The following BPTF variants were observed in gnomAD, a reference collection of about 807,000 sequenced individuals.
The protein encoded by BPTF is bromodomain PHD finger transcription factor, also known as nucleosome-remodeling factor subunit BPTF.
In BPTF, 18 loss-of-function variants were observed where a neutral mutation model predicts 292.5. The ratio of observed to expected loss-of-function variants is 0.06; its 90% CI spans 0.04 to 0.09. BPTF has a LOEUF of 0.09. BPTF is among the 10% of genes least tolerant of loss of function. BPTF has a pLI of 1.00. For missense variants in BPTF, 2,726 were observed against 3,498.7 expected (o/e 0.78, Z 5.57); for synonymous variants, 1,225 against 1,251.9 (o/e 0.98, Z 0.45).
intron 1 of BPTF, among the ~76,000 whole-genome samples, chr17:67,828,152 G>A (rs1374636432): frequency 6.6e-6 from 1 of 151,980 alleles, no homozygotes; most frequent in Non-Finnish European, 1.5e-5. Context: ...GGCTGGTCTC[G>A]AACTCTTGAC....
chr17:67,840,461 G>C (rs1005526309), intron 1 of BPTF, among the ~76,000 whole-genome samples: 1 of 76,212 alleles, frequency 1.3e-5, no homozygotes, highest in Non-Finnish European at 2.3e-5. Flanking sequence ...TGCTCCTCTT[G>C]TTGTTGTTGT....
chr17:67,942,865 A>G (rs1184221148), intron 19 of BPTF, among the ~76,000 whole-genome samples: 2 of 152,164 alleles, frequency 1.3e-5, no homozygotes, highest in Non-Finnish European at 2.9e-5. Flanking sequence ...GTAGCTGCCA[A>G]AAAAAATACA....
At chr17:67,953,410 T>A (rs1439994148) in intron 23 of BPTF, among the ~76,000 whole-genome samples, 9 of 142,322 alleles carry the variant, frequency 6.3e-5, no homozygotes. Flanking sequence ...CGCCCACCAC[T>A]GCACTCGGCT....
rs2147817078 is a variant in BPTF at position 67,940,449 on chromosome 17, G to C, written c.6270G>C (p.Gln2090His). ...TTGCTGTTTGGGTAGGTGCTCCTCAGCAAGTGATGACTCAAATCATCAGGG... is the reference window on the plus strand; with the variant it reads ...TTGCTGTTTGGGTAGGTGCTCCTCACCAAGTGATGACTCAAATCATCAGGG... The part of the protein sequence containing the change: ...TPVMVQPGAP[Q>H]QVMTQIIRGQ... Residue 2090 changes from glutamine to histidine, a missense_variant, in exon 19 of 28, where the codon CAG (glutamine) becomes CAC (histidine). Around this residue, in one of 22 missense-constraint regions of BPTF, gnomAD observed 570 missense variants for 633.5 expected, o/e 0.90. Transcript: ENST00000306378. 6.2e-7 allele frequency: 1 copy of C among 1,614,032 alleles called. No homozygotes were observed. Among genetic ancestry groups the C allele is most frequent in the Non-Finnish European group, 8.5e-7 (1 of 1,179,986 alleles).
chr17:67,966,507 A>T (rs2068116386), intron 25 of BPTF, 65 bp from the exon 26 acceptor site: 1 of 1,459,116 alleles, frequency 6.9e-7, no homozygotes, highest in South Asian at 1.2e-5. Context: ...GTAGTAACTC[A>T]ACCAGGAAAC....
At chr17:67,962,218 A>G (rs1414041521) in intron 24 of BPTF, among the ~76,000 whole-genome samples, 1 of 152,210 alleles carries the variant, frequency 6.6e-6, no homozygotes, top group Non-Finnish European at 1.5e-5. Flanking sequence ...AAGCAGGTCA[A>G]TTTGAAGCTT....
At chr17:67,847,937 C>A (rs999253096) in intron 1 of BPTF, among the ~76,000 whole-genome samples, 2 of 152,138 alleles carry the variant, frequency 1.3e-5, no homozygotes, top group Admixed American at 1.3e-4. Context: ...ATGTGCCATT[C>A]ATGGTTTATA....
intron 4 of BPTF, among the ~76,000 whole-genome samples, chr17:67,888,065 G>A (rs1024826463): frequency 1.3e-5 from 2 of 152,016 alleles, no homozygotes; most frequent in Non-Finnish European, 2.9e-5. Context: ...AAACAGGGAC[G>A]CTGCAAATAT....
chr17:67,957,181 G>T (rs2067035383), intron 23 of BPTF: 1 of 152,136 alleles, frequency 6.6e-6, no homozygotes, highest in Admixed American at 6.6e-5. Context: ...TACTCAGGAG[G>T]CTGAGGCAGG....
intron 1 of BPTF, among the ~76,000 whole-genome samples, chr17:67,826,837 AAC>A (rs2143534383): frequency 6.6e-6 from 1 of 152,336 alleles, no homozygotes; most frequent in Admixed American, 6.5e-5. Context: ...GTGGTACACA[AAC>A]ACGCACAAAA....
At chr17:67,906,267 G>T (rs1257509488) in intron 9 of BPTF, among the ~76,000 whole-genome samples, 1 of 152,064 alleles carries the variant, frequency 6.6e-6, no homozygotes, top group Non-Finnish European at 1.5e-5. Flanking sequence ...TTTTTATAGA[G>T]ACAGGGTTTC....
At chr17:67,896,192 G>A (rs1032954453) in intron 7 of BPTF, among the ~76,000 whole-genome samples, 1 of 152,016 alleles carries the variant, frequency 6.6e-6, no homozygotes, top group African/African-American at 2.4e-5. Flanking sequence ...TCCATCTCCT[G>A]ACCTTGTGAT....
At chr17:67,914,667 T>C (rs891082625) in intron 11 of BPTF, among the ~76,000 whole-genome samples, 3 of 152,174 alleles carry the variant, frequency 2.0e-5, no homozygotes, top group Non-Finnish European at 4.4e-5. Context: ...TATTCTAAAA[T>C]GGAGGGTAGG....
chr17:67,920,703 T>TTA (rs2063374473), intron 13 of BPTF, among the ~76,000 whole-genome samples: 1 of 152,138 alleles, frequency 6.6e-6, no homozygotes, highest in Non-Finnish European at 1.5e-5. Context: ...AATATCAGTG[T>TTA]TATATGTGTT....
chr17:67,973,067 AATATATATATAATATATATATAT>A lies in BPTF; in HGVS notation c.8540-2703_8540-2681del. Among the ~76,000 whole-genome samples, 4 of 144,362 alleles carry A rather than the reference AATATATATATAATATATATATAT, an allele frequency of 2.8e-5. No individual in the cohort carries two copies. The Admixed American group carries it at 2.8e-4, about 10-fold the overall frequency. The allele number at this position is 144,362 out of a possible 152,430, so 94.7% of individuals were successfully genotyped here. On this transcript the variant is annotated intron_variant, in intron 26 of 27. Coordinates refer to ENST00000306378, the MANE Select transcript of BPTF (RefSeq NM_182641.4). The stretch of plus-strand genomic sequence containing the variant: ...TATATATATATTTTATATATATATA[AATATATATATAATATATATATAT>A]AAGGCCAGGCACGGTGGCTCACGCC...
chr17:67,853,168 CAGTT>C (rs1479222425), intron 1 of BPTF, among the ~76,000 whole-genome samples: 5 of 152,188 alleles, frequency 3.3e-5, no homozygotes, highest in African/African-American at 7.2e-5. Context: ...ACAAAACTCT[CAGTT>C]ATTTATATTG....
intron 27 of BPTF, among the ~76,000 whole-genome samples, chr17:67,978,339 C>G (rs1555695128): frequency 6.7e-6 from 1 of 149,518 alleles, no homozygotes; most frequent in Non-Finnish European, 1.5e-5. Context: ...CACTCTGTTG[C>G]CCAGGCTGGA....
At position 67,866,664 on chromosome 17, in the gene BPTF, A is replaced by C. The variant is rs765770406; in HGVS notation, c.1637A>C (p.Lys546Thr). 1.2e-6 allele frequency: 2 copies of C among 1,613,660 alleles called. No individual in the cohort carries two copies. The highest frequency in any genetic ancestry group is 8.5e-7 in the Non-Finnish European group (1 of 1,179,666). ...ACCAATAAGGCTCGGGGCAGTAACA[A>C]ATCCTTTCTGGCGGCAGCTAATGGT... is the stretch of plus-strand genomic sequence containing the variant. ...DLTNKARGSN[K>T]SFLAAANEEI... Residue 546 changes from lysine (K) to threonine (T), a missense_variant, in exon 3 of 28, where the codon AAA (lysine) becomes ACA (threonine). Lys to Thr is a moderately conservative substitution (Grantham distance 78). Transcript: ENST00000306378.
chr17:67,924,375 A>T (rs1377499124), intron 14 of BPTF, among the ~76,000 whole-genome samples, 172 bp from the exon 15 acceptor site: 1 of 152,218 alleles, frequency 6.6e-6, no homozygotes, highest in Admixed American at 6.5e-5. Flanking sequence ...TTGGCCTCCC[A>T]CAGTGCTGGG....
Sources: allele counts gnomAD v4.1 joint callset (sites outside exome capture counted in the v4.1 genomes callset), GRCh38; gene constraint gnomAD v4.1.1; regional missense constraint gnomAD v4.1.1; transcripts MANE v1.5; gene names NCBI Gene and HGNC (gene_info 2026-07-23, HGNC 2026-07-21).